The following PCDHGB7 variants were observed in gnomAD, a reference collection of about 807,000 sequenced individuals.
PCDHGB7 encodes protocadherin gamma subfamily B, 7, also known as protocadherin gamma-B7.
A neutral mutation model predicts 61.4 loss-of-function variants in PCDHGB7; 37 were observed. The ratio of observed to expected loss-of-function variants is 0.60; its 90% CI spans 0.46 to 0.79. The LOEUF (loss-of-function observed/expected upper bound fraction) is 0.79. PCDHGB7 is among the 30% of genes least tolerant of loss of function. The pLI is 0.00. For missense variants in PCDHGB7, 1,166 were observed against 1,202.5 expected (o/e 0.97, Z 0.45); for synonymous variants, 464 against 503.5 (o/e 0.92, Z 1.05).
intron 1 of PCDHGB7, among the ~76,000 whole-genome samples, chr5:141,452,082 T>A (rs924362905): frequency 3.3e-5 from 5 of 152,240 alleles, no homozygotes; most frequent in Non-Finnish European, 7.3e-5. Context: ...GTTGGCATTA[T>A]ACAGTAAGAA....
chr5:141,486,271 C>T lies in PCDHGB7; in HGVS notation c.2416-8536C>T. 1 of 1,614,086 alleles carries T rather than the reference C, an allele frequency of 6.2e-7. No homozygotes were observed. Among genetic ancestry groups the T allele is most frequent in the Non-Finnish European group, 8.5e-7 (1 of 1,179,994 alleles). ...CCCTCCCCGAGAGTGCAGAACCTGG[C>T]ACTGTGGTGGCACTTATCAGTGTGC... On this transcript the variant is annotated intron_variant, in intron 1 of 3. Coordinates refer to ENST00000398594, the MANE Select transcript of PCDHGB7 (RefSeq NM_018927.4). The surrounding 1 kb of genome is among the most constrained non-coding windows in gnomAD (Gnocchi z 5.0).
chr5:141,491,956 A>G lies in PCDHGB7; in HGVS notation c.2416-2851A>G, dbSNP rs2099735623. 1.9e-6 allele frequency: 2 copies of G among 1,035,704 alleles called. No homozygotes were observed. Among genetic ancestry groups the G allele is most frequent in the Non-Finnish European group, 2.7e-6 (2 of 749,368 alleles). The allele number at this position is 1,035,704 out of a possible 1,614,324, so 64.2% of individuals were successfully genotyped here. A position where few individuals can be genotyped will look rare whatever the true frequency, so the allele number is the denominator to read the frequency against. On this transcript the variant is annotated intron_variant, in intron 1 of 3. Transcript: ENST00000398594. This position sits in a 1 kb window ranked among gnomAD's most constrained non-coding sequence, Gnocchi z 6.9. Reference sequence around the variant, plus strand: ...GGACCGACCCCCACCCCTACACTCAAAAAAGGCCGGGGCCTCCTTCGAGCT... The same window carrying G: ...GGACCGACCCCCACCCCTACACTCAGAAAAGGCCGGGGCCTCCTTCGAGCT...
intron 1 of PCDHGB7, among the ~76,000 whole-genome samples, chr5:141,494,039 G>A (rs901795348): frequency 2.0e-5 from 3 of 152,144 alleles, no homozygotes; most frequent in Non-Finnish European, 4.4e-5. Context: ...GACTTAGTTG[G>A]CCCTGCTTGG....
In PCDHGB7 at chr5:141,490,134, C is replaced by G; in HGVS notation, c.2416-4673C>G. On this transcript the variant is annotated intron_variant, in intron 1 of 3. Transcript: ENST00000398594. This position sits in a 1 kb window ranked among gnomAD's most constrained non-coding sequence, Gnocchi z 5.4. ...GGAACCTCTTTGGCCTAGACCCTAG[C>G]AGTGGGGCAATCCATGTGTTGGGTC... The G allele has an allele frequency of 1.2e-6, 2 of 1,614,232 alleles. No homozygotes were observed. The highest frequency in any genetic ancestry group is 1.7e-6 in the Non-Finnish European group (2 of 1,180,030).
chr5:141,422,873 T>C (rs1474438774), intron 1 of PCDHGB7: 1 of 1,614,158 alleles, frequency 6.2e-7, no homozygotes, highest in Admixed American at 1.7e-5. Flanking sequence ...AACGTGTCGC[T>C]GAGCCTGTTC....
chr5:141,493,679 G>C lies in PCDHGB7; in HGVS notation c.2416-1128G>C. On this transcript the variant is annotated intron_variant, in intron 1 of 3. Transcript: ENST00000398594. This position sits in a 1 kb window ranked among gnomAD's most constrained non-coding sequence, Gnocchi z 4.3. ...CCTTCTCCATGGCAGCCCCAGAATG[G>C]TGCTGGTGACTCCCGATACACCTGG... Among the ~76,000 whole-genome samples the C allele has an allele frequency of 6.6e-6, 1 of 152,198 alleles. No individual in the cohort carries two copies. Among genetic ancestry groups the C allele is most frequent in the African/African-American group, 2.4e-5 (1 of 41,446 alleles).
chr5:141,499,996 C>A (rs1246090346), intron 2 of PCDHGB7, among the ~76,000 whole-genome samples: 2 of 151,572 alleles, frequency 1.3e-5, no homozygotes, highest in Non-Finnish European at 2.9e-5. Flanking sequence ...CCAGATGATT[C>A]TTTCATAAGG....
chr5:141,431,450 A>T lies in PCDHGB7; in HGVS notation c.2415+11176A>T, dbSNP rs1468567743. 1 of 1,613,740 alleles carries T rather than the reference A, an allele frequency of 6.2e-7. No homozygotes were observed. Among genetic ancestry groups the T allele is most frequent in the Admixed American group, 1.7e-5 (1 of 60,032 alleles). ...CACAGGCACCGCGCGCATCCGCGTG[A>T]TGGTTCTGGATGCGAACGACAACGC... On this transcript the variant is annotated intron_variant, in intron 1 of 3. Transcript: ENST00000398594. This position sits in a 1 kb window ranked among gnomAD's most constrained non-coding sequence, Gnocchi z 4.8.
rs1015619417 is a variant in PCDHGB7 at position 141,455,526 on chromosome 5, C to T, written c.2415+35252C>T. Among the ~76,000 whole-genome samples the T allele has an allele frequency of 2.0e-5, 3 of 152,106 alleles. 1 individual carries two copies. Among genetic ancestry groups the T allele is most frequent in the South Asian group, 4.1e-4 (2 of 4,826 alleles). ...CATAGGGCTCAGGGGATTGGTTTGA[C>T]CAGGCATATCATTCACGTAGCCCGA... On this transcript the variant is annotated intron_variant, in intron 1 of 3. Coordinates refer to ENST00000398594, the MANE Select transcript of PCDHGB7 (RefSeq NM_018927.4).
In PCDHGB7 at chr5:141,419,715, TG is replaced by T. The variant is rs754309862; in HGVS notation, c.1860del (p.Leu621CysfsTer23). ...GCCAGTGAGCCCGGGCTCTTCAGCC[TG>T]GGGCTGCGAACAGGCGAGGTGCGCA... ...VQASEPGLFSLGLRTGEVRMV... is the reference protein window; with the variant it reads ...VQASEPGLFSXGLRTGEVRMV... On this transcript the variant is annotated frameshift_variant, in exon 1 of 4. Coordinates refer to ENST00000398594, the MANE Select transcript of PCDHGB7 (RefSeq NM_018927.4). LOFTEE classifies it high-confidence loss of function. 1 of 1,613,288 alleles carries T rather than the reference TG, an allele frequency of 6.2e-7. No individual in the cohort carries two copies. The highest frequency in any genetic ancestry group is 1.1e-5 in the South Asian group (1 of 91,066).
chr5:141,512,555 A>C lies in PCDHGB7; in HGVS notation c.*1382A>C, dbSNP rs1294402882. 2.6e-5 allele frequency: 4 copies of C among 152,986 alleles called. No individual in the cohort carries two copies. The highest frequency in any genetic ancestry group is 9.6e-5 in the African/African-American group (4 of 41,472). 9.5% of individuals were successfully genotyped at this position (152,986 alleles called of 1,614,324 possible). A position where few individuals can be genotyped will look rare whatever the true frequency, so the allele number is the denominator to read the frequency against. ...AGTTCCCCAGTGCCTCCTTGTGCAT[A>C]GACCTTCTTCTCCCACCCCCTTCTG... On this transcript the variant is annotated 3_prime_UTR_variant, in exon 4 of 4. Transcript: ENST00000398594.
chr5:141,505,742 G>A (rs1024914690), intron 3 of PCDHGB7, among the ~76,000 whole-genome samples: 1 of 152,150 alleles, frequency 6.6e-6, no homozygotes, highest in Non-Finnish European at 1.5e-5. Flanking sequence ...TACAAGTCTA[G>A]CTCTGGAATG....
rs2154573815 is a variant in PCDHGB7 at position 141,475,798 on chromosome 5, CAAAGG to C, written c.2416-19004_2416-19000del. ...TTGGCTGGAAACTCTGGAAGGAAGC[CAAAGG>C]AAAGTGAAGTTCCTGGCGCTAGCGC... On this transcript the variant is annotated intron_variant, in intron 1 of 3. Coordinates refer to ENST00000398594, the MANE Select transcript of PCDHGB7 (RefSeq NM_018927.4). The C allele has an allele frequency of 9.7e-6, 3 of 309,052 alleles. No homozygotes were observed. The South Asian group carries it at 2.0e-4, about 21-fold the overall frequency. 19.1% of individuals were successfully genotyped at this position (309,052 alleles called of 1,614,324 possible).
intron 1 of PCDHGB7, chr5:141,421,995 C>G (rs750731453): frequency 6.2e-7 from 1 of 1,608,844 alleles, no homozygotes; most frequent in South Asian, 1.1e-5. Context: ...CAGAAAACAT[C>G]AGCTCCGGAA....
intron 1 of PCDHGB7, among the ~76,000 whole-genome samples, chr5:141,449,921 C>T (rs2098659300): frequency 6.6e-6 from 1 of 151,648 alleles, no homozygotes; most frequent in African/African-American, 2.4e-5. Flanking sequence ...TTAAATTCTA[C>T]CATACCTTAT....
chr5:141,497,413 T>A (rs572922456), intron 2 of PCDHGB7, among the ~76,000 whole-genome samples: 1 of 151,928 alleles, frequency 6.6e-6, no homozygotes, highest in African/African-American at 2.4e-5. Context: ...TCCCATTCCA[T>A]CAAATGAGAG....
chr5:141,454,857 G>C (rs1365819097), intron 1 of PCDHGB7, among the ~76,000 whole-genome samples: 2 of 131,566 alleles, frequency 1.5e-5, no homozygotes, highest in African/African-American at 6.0e-5. Context: ...ACCCAGGCTG[G>C]AGTGCAGTGG....
In PCDHGB7 at chr5:141,470,146, A is replaced by G. The variant is rs181633492; in HGVS notation, c.2416-24661A>G. On this transcript the variant is annotated intron_variant, in intron 1 of 3. Coordinates refer to ENST00000398594, the MANE Select transcript of PCDHGB7 (RefSeq NM_018927.4). ...TTCGTCTCAAAAAAAAAGATCATAG[A>G]TCATCTTATCAAATCAAAGTATGCA... Among the ~76,000 whole-genome samples, 102 of 152,308 alleles carry G rather than the reference A, an allele frequency of 6.7e-4. 2 individuals carry two copies. Among genetic ancestry groups the G allele is most frequent in the African/African-American group, 2.4e-3 (99 of 41,558 alleles).
chr5:141,473,860 A>G (rs184722742), intron 1 of PCDHGB7, among the ~76,000 whole-genome samples: 409 of 152,318 alleles, frequency 2.7e-3, no homozygotes, highest in Middle Eastern at 6.8e-3. Context: ...GAACCTCGCT[A>G]TTGTGGAGAA....
Sources: allele counts gnomAD v4.1 joint callset (sites outside exome capture counted in the v4.1 genomes callset), GRCh38; gene constraint gnomAD v4.1.1; non-coding constraint Gnocchi (gnomAD v3.1); transcripts MANE v1.5; gene names NCBI Gene and HGNC (gene_info 2026-07-23, HGNC 2026-07-21).